Variants in GALNT14 observed in about 807,000 individuals in gnomAD.
The protein encoded by GALNT14 is polypeptide N-acetylgalactosaminyltransferase 14, also known as UDP-GalNAc:polypeptide N-acetylgalactosaminyltransferase 14.
Under a neutral mutation model 77.5 loss-of-function variants are expected in GALNT14, and 60 were observed. The observed-to-expected ratio is 0.77, with a 90% confidence interval of 0.63 to 0.96. GALNT14 has a LOEUF of 0.96. Among genes scored for constraint, GALNT14 ranks in the 40% least tolerant of loss-of-function variants. The pLI is 0.00. For synonymous variants in GALNT14, 280 were observed against 281.7 expected, an observed-to-expected ratio of 0.99 and a Z score of 0.06; for missense variants, 710 against 731.0, an observed-to-expected ratio of 0.97 and a Z score of 0.33.
intron 1 of GALNT14, among the ~76,000 whole-genome samples, chr2:31,035,617 C>A (rs144216968): frequency 0.032 from 953 of 29,690 alleles, 18 homozygotes; most frequent in African/African-American, 0.12. Flanking sequence ...ACACACACAC[C>A]TACACACACA....
At chr2:30,891,167 C>T in the GALNT14 span, among the ~76,000 whole-genome samples, 103 of 152,274 alleles carry the variant, frequency 6.8e-4, no homozygotes, top group African/African-American at 2.4e-3. Context: ...GGAAAGGGCA[C>T]ACAGACCCCT....
chr2:31,127,112 T>C (rs1394013428), intron 1 of GALNT14, among the ~76,000 whole-genome samples: 1 of 152,140 alleles, frequency 6.6e-6, no homozygotes, highest in Non-Finnish European at 1.5e-5. Flanking sequence ...TTTCACAAGG[T>C]GAACGCACCT....
Position 30,966,289 on chromosome 2 carries a change from C to T in GALNT14, c.313G>A (p.Val105Met), listed in dbSNP as rs778221738. The change falls in exon 3 of 15, where the codon GTG becomes ATG. Residue 105 changes from valine (V) to methionine (M), a missense_variant. Val to Met is a conservative substitution (Grantham distance 21). Coordinates refer to ENST00000349752, the MANE Select transcript of GALNT14 (RefSeq NM_024572.4). ...GTGGGTGGAAGGTCCGTGCAATACACCAGCAGTGTGCATCTGGGGAAGGAA... is the reference window on the plus strand; with the variant it reads ...GTGGGTGGAAGGTCCGTGCAATACATCAGCAGTGTGCATCTGGGGAAGGAA... ...DTRHLRCTLL[V>M]YCTDLPPTSI... 8.1e-6 allele frequency: 13 copies of T among 1,613,402 alleles called. No individual in the cohort carries two copies. The highest frequency in any genetic ancestry group is 1.7e-5 in the Admixed American group (1 of 60,006).
chr2:30,924,369 G>T, intron 12 of GALNT14, 106 bp from the exon 13 acceptor site: 1 of 1,235,298 alleles, frequency 8.1e-7, no homozygotes, highest in Non-Finnish European at 1.2e-6. Context: ...GGGCTGGGCT[G>T]TTAGAAAATA....
At position 30,930,673 on chromosome 2, in the gene GALNT14, C is replaced by T. The variant is rs551427592; in HGVS notation, c.1059-1186G>A. On this transcript the variant is annotated intron_variant, in intron 10 of 14. Transcript: ENST00000349752. The stretch of plus-strand genomic sequence containing the variant: ...AAGGGGGTGCTCTTTCAGATGCTAG[C>T]TCTGCTTTAGAGCAGAAGCATTCAA... Among the ~76,000 whole-genome samples the T allele has an allele frequency of 6.6e-5, 10 of 152,358 alleles. 1 individual carries two copies. The South Asian group carries it at 2.1e-3, about 32-fold the overall frequency.
At chr2:31,029,809 T>G (rs1255840833) in intron 1 of GALNT14, among the ~76,000 whole-genome samples, 2 of 152,234 alleles carry the variant, frequency 1.3e-5, no homozygotes, top group African/African-American at 2.4e-5. Flanking sequence ...ACTTCTATCT[T>G]GATTGACTAC....
the GALNT14 span, among the ~76,000 whole-genome samples, chr2:30,895,776 C>T: frequency 6.6e-6 from 1 of 152,180 alleles, no homozygotes; most frequent in East Asian, 1.9e-4. Flanking sequence ...CTCCCTCCCA[C>T]CTTCTCTTTC....
At chr2:30,899,905 T>C in the GALNT14 span, among the ~76,000 whole-genome samples, 1 of 151,992 alleles carries the variant, frequency 6.6e-6, no homozygotes, top group East Asian at 1.9e-4. Context: ...GTCGCAGAGG[T>C]CACGTCTGCA....
intron 1 of GALNT14, chr2:31,129,220 C>T (rs552846933): frequency 1.9e-5 from 6 of 318,018 alleles, no homozygotes; most frequent in South Asian, 2.5e-4. Flanking sequence ...AGTCCCTACC[C>T]TGCTATCACC....
chr2:31,129,463 GA>G, intron 1 of GALNT14: 1 of 985,350 alleles, frequency 1.0e-6, no homozygotes, highest in Non-Finnish European at 1.2e-6. Context: ...CCACCATAAG[GA>G]CATTAGTCAA....
chr2:31,124,582 A>G (rs1678601650), intron 1 of GALNT14, among the ~76,000 whole-genome samples: 1 of 152,190 alleles, frequency 6.6e-6, no homozygotes, highest in Non-Finnish European at 1.5e-5. Context: ...CAAAGAGAAA[A>G]TGTTAACAAT....
Position 30,924,799 on chromosome 2 carries a change from C to T in GALNT14, c.1176G>A (p.Arg392=), listed in dbSNP as rs1377103313. 6.2e-7 allele frequency: 1 copy of T among 1,614,020 alleles called. No individual in the cohort carries two copies. The highest frequency in any genetic ancestry group is 1.7e-5 in the Admixed American group (1 of 60,024). Residue 392 remains arginine, a synonymous_variant, in exon 12 of 15, where the codon AGG becomes AGA. Coordinates refer to ENST00000349752, the MANE Select transcript of GALNT14 (RefSeq NM_024572.4). ...TGAAGCTCTGGCAGCGCAGATTCTTCCTCAGGTCCAATCTGCTCTCAACAC... is the reference window on the plus strand; with the variant it reads ...TGAAGCTCTGGCAGCGCAGATTCTTTCTCAGGTCCAATCTGCTCTCAACAC... The part of the protein sequence containing the change: ...FGNVESRLDL[R]KNLRCQSFKW...
At chr2:31,093,073 T>C (rs1676832478) in intron 1 of GALNT14, among the ~76,000 whole-genome samples, 1 of 152,104 alleles carries the variant, frequency 6.6e-6, no homozygotes, top group South Asian at 2.1e-4. Context: ...ACCTAAGAAC[T>C]TGAGAGCAGA....
chr2:30,982,003 G>C (rs995543081), intron 2 of GALNT14, among the ~76,000 whole-genome samples: 16 of 152,200 alleles, frequency 1.1e-4, no homozygotes, highest in Non-Finnish European at 1.9e-4. Flanking sequence ...AGGTTACTGA[G>C]GGGGGAACTG....
At chr2:31,027,549 G>A (rs778530431) in intron 1 of GALNT14, among the ~76,000 whole-genome samples, 3 of 151,998 alleles carry the variant, frequency 2.0e-5, no homozygotes, top group Middle Eastern at 3.4e-3. Context: ...AAAGATCCTC[G>A]ACAAAAGGGA....
At chr2:31,125,118 G>T in intron 1 of GALNT14, 2 of 1,439,792 alleles carry the variant, frequency 1.4e-6, no homozygotes, top group Non-Finnish European at 1.9e-6. Context: ...AAAGCAGCTG[G>T]CACCTCACAC....
chr2:30,964,468 G>A (rs565257815), intron 3 of GALNT14, among the ~76,000 whole-genome samples: 2 of 152,316 alleles, frequency 1.3e-5, no homozygotes, highest in Admixed American at 1.3e-4. Flanking sequence ...TAACCAGCCA[G>A]GCGCTTTGTT....
At chr2:31,130,788 GCGCA>G (rs372747562) in intron 1 of GALNT14, among the ~76,000 whole-genome samples, 2,081 of 140,978 alleles carry the variant, frequency 0.015, 76 homozygotes, top group African/African-American at 0.048. Context: ...GTGTGTGCGC[GCGCA>G]CCTGTGTGTG....
Position 30,944,782 on chromosome 2 carries a change from A to G in GALNT14, c.827+76T>C. On this transcript the variant is annotated intron_variant, in intron 8 of 14. Coordinates refer to ENST00000349752, the MANE Select transcript of GALNT14 (RefSeq NM_024572.4). ...TCTGCTTGATGCTTTGACATCTGAT[A>G]TTGAGCACCTCCCTACACTTGACAG... The G allele has an allele frequency of 2.6e-6, 3 of 1,144,332 alleles. No homozygotes were observed. In the South Asian group the frequency reaches 6.1e-5, roughly 23 times the overall value. 70.9% of individuals were successfully genotyped at this position (1,144,332 alleles called of 1,614,324 possible).
Sources: allele counts gnomAD v4.1 joint callset (sites outside exome capture counted in the v4.1 genomes callset), GRCh38; gene constraint gnomAD v4.1.1; transcripts MANE v1.5; gene names NCBI Gene and HGNC (gene_info 2026-07-23, HGNC 2026-07-21).